Variants in RCBTB2 observed in about 807,000 individuals in gnomAD.
The protein encoded by RCBTB2 is RCC1 and BTB domain-containing protein 2.
A neutral mutation model predicts 65.4 loss-of-function variants in RCBTB2; 55 were observed. The observed-to-expected ratio is 0.84, with a 90% CI of 0.68 to 1.05. The LOEUF (loss-of-function observed/expected upper bound fraction) is 1.05, where lower values mean the gene tolerates loss of function less well. RCBTB2 is among the 50% of genes least tolerant of loss of function. The pLI is 0.00. For synonymous variants in RCBTB2, 220 were observed against 255.2 expected (o/e 0.86, Z 1.31); for missense variants, 599 against 680.1 (o/e 0.88, Z 1.33).
At chr13:48,515,509 T>C (rs756086520) in intron 5 of RCBTB2, 77 bp downstream of exon 5, 25 of 1,409,132 alleles carry the variant, frequency 1.8e-5, no homozygotes, top group Non-Finnish European at 2.4e-5. Context: ...TTTTATTCCT[T>C]AGTTCCCCCA....
upstream of RCBTB2, chr13:48,533,283 C>A: frequency 3.2e-6 from 1 of 310,596 alleles, no homozygotes; most frequent in South Asian, 2.3e-5. Flanking sequence ...ACGCCCCCTC[C>A]CCTCGGAGTT....
At chr13:48,519,472 G>C (rs985100250) in intron 4 of RCBTB2, among the ~76,000 whole-genome samples, 2 of 152,114 alleles carry the variant, frequency 1.3e-5, no homozygotes, top group African/African-American at 4.8e-5. Context: ...TTAGTTCTAG[G>C]CTTTCTTCCT....
At chr13:48,521,844 G>T in intron 4 of RCBTB2, 54 bp downstream of exon 4, 1 of 1,522,498 alleles carries the variant, frequency 6.6e-7, no homozygotes. Flanking sequence ...GCTTCATGAA[G>T]TATGTTTCAT....
At chr13:48,521,639 C>A (rs1349751641) in intron 4 of RCBTB2, among the ~76,000 whole-genome samples, 2 of 151,822 alleles carry the variant, frequency 1.3e-5, no homozygotes, top group Admixed American at 1.3e-4. Flanking sequence ...CAGGGGATGG[C>A]CTTTGCGCCT....
In RCBTB2 at chr13:48,527,371, T is replaced by TATATATATATATC. The variant is rs1566337752; in HGVS notation, c.-218-2615_-218-2614insGATATATATATAT. Reference sequence around the variant, plus strand: ...ATATATGATATATATTTATATATGATATATATATATGATATATATTTATAT... The same window carrying TATATATATATATC: ...ATATATGATATATATTTATATATGATATATATATATATCATATATATATGATATATATTTATAT... On this transcript the variant is annotated intron_variant, in intron 1 of 14. Transcript: ENST00000344532. Among the ~76,000 whole-genome samples the TATATATATATATC allele has an allele frequency of 9.4e-5, 13 of 138,736 alleles. No homozygotes were observed. The East Asian group carries it at 2.6e-3, about 27-fold the overall frequency. The allele number at this position is 138,736 out of a possible 152,430, so 91.0% of individuals were successfully genotyped here.
At chr13:48,504,195 G>A (rs1016506725) in intron 10 of RCBTB2, 12 of 985,390 alleles carry the variant, frequency 1.2e-5, no homozygotes, top group Non-Finnish European at 1.4e-5. Flanking sequence ...GGTCTCCCTT[G>A]CCTTAGACTC....
chr13:48,493,485 C>T (rs946206125), intron 14 of RCBTB2, among the ~76,000 whole-genome samples: 4 of 151,974 alleles, frequency 2.6e-5, no homozygotes, highest in Admixed American at 2.6e-4. Context: ...CACCTTGGAA[C>T]TCTGATTCCT....
chr13:48,532,356 G>C (rs1952183103), intron 1 of RCBTB2: 1 of 152,302 alleles, frequency 6.6e-6, no homozygotes. Context: ...AACTTTTCGC[G>C]CTATTCCTGG....
intron 1 of RCBTB2, among the ~76,000 whole-genome samples, chr13:48,527,549 C>G (rs1221791786): frequency 4.6e-5 from 7 of 151,874 alleles, no homozygotes; most frequent in African/African-American, 1.5e-4. Flanking sequence ...CCTCTCCACG[C>G]AGAAGTTCCT....
intron 5 of RCBTB2, 91 bp downstream of exon 5, chr13:48,515,495 A>C: frequency 7.3e-7 from 1 of 1,364,958 alleles, no homozygotes; most frequent in South Asian, 1.4e-5. Context: ...TTTTTTTTTT[A>C]ACCTTTTATT....
chr13:48,491,416 A>G (rs1301040068), intron 14 of RCBTB2, among the ~76,000 whole-genome samples: 2 of 152,204 alleles, frequency 1.3e-5, no homozygotes, highest in Admixed American at 1.3e-4. Flanking sequence ...GTCCCAGGTA[A>G]GCCCTCAGTG....
At chr13:48,504,930 G>A (rs1427412280) in intron 10 of RCBTB2, among the ~76,000 whole-genome samples, 2 of 152,272 alleles carry the variant, frequency 1.3e-5, no homozygotes, top group South Asian at 2.1e-4. Context: ...GACTTATTAT[G>A]AGGATCGTTC....
chr13:48,517,285 C>T (rs1328686250), intron 4 of RCBTB2, among the ~76,000 whole-genome samples: 1 of 152,182 alleles, frequency 6.6e-6, no homozygotes, highest in African/African-American at 2.4e-5. Context: ...CAATGCAATA[C>T]CTACCTTTGT....
chr13:48,534,382 C>A (rs899129691), upstream of RCBTB2, among the ~76,000 whole-genome samples: 1 of 152,042 alleles, frequency 6.6e-6, no homozygotes, highest in South Asian at 2.1e-4. Context: ...TTGGAGCTCA[C>A]AATAATCCTG....
intron 10 of RCBTB2, among the ~76,000 whole-genome samples, chr13:48,505,413 A>G (rs1950451504): frequency 6.6e-6 from 1 of 152,174 alleles, no homozygotes; most frequent in African/African-American, 2.4e-5. Flanking sequence ...CTTTCCTGAT[A>G]TTTGCAGGGT....
rs139171322 is a variant in RCBTB2, at chr13:48,512,827, A to C, written c.418T>G (p.Leu140Val). The C allele has an allele frequency of 6.2e-7, 1 of 1,613,994 alleles. No individual in the cohort carries two copies. Among genetic ancestry groups the C allele is most frequent in the Non-Finnish European group, 8.5e-7 (1 of 1,179,876 alleles). The stretch of plus-strand genomic sequence containing the variant: ...TTAGTAGAGATATGACAGGGCACTA[A>C]ACCATGATTAGTTGTCCCATTGCCC... ...QLGNGTTNHG[L>V]VPCHISTNLS... The change falls in exon 7 of 15, where the codon TTA becomes GTA. Residue 140 changes from leucine to valine, a missense_variant. By Grantham distance (32) the Leu-to-Val change is conservative. Transcript: ENST00000344532.
chr13:48,501,355 G>A (rs1460017506), intron 12 of RCBTB2, among the ~76,000 whole-genome samples: 1 of 152,132 alleles, frequency 6.6e-6, no homozygotes, highest in Admixed American at 6.5e-5. Flanking sequence ...CCATCTAAAA[G>A]TACGCCACAA....
Position 48,527,361 on chromosome 13 carries a change from T to TATGATATATA in RCBTB2, c.-218-2605_-218-2604insTATATATCAT. ...TGATATATATATATATGATATATAT[T>TATGATATATA]TATATATGATATATATATATGATAT... On this transcript the variant is annotated intron_variant, in intron 1 of 14. Coordinates refer to ENST00000344532, the MANE Select transcript of RCBTB2 (RefSeq NM_001268.4). Among the ~76,000 whole-genome samples, 29 of 112,426 alleles carry TATGATATATA rather than the reference T, an allele frequency of 2.6e-4. No individual in the cohort carries two copies. In the East Asian group the frequency reaches 3.0e-3, roughly 12 times the overall value. The allele number at this position is 112,426 out of a possible 152,430, so 73.8% of individuals were successfully genotyped here.
Position 48,503,663 on chromosome 13 carries a change from C to A in RCBTB2, c.927-749G>T, listed in dbSNP as rs9332042. 8.2e-3 allele frequency among the ~76,000 whole-genome samples: 1,241 copies of A among 152,254 alleles called. 14 individuals are homozygous for A. Among genetic ancestry groups the A allele is most frequent in the African/African-American group, 0.029 (1,184 of 41,528 alleles). ...TCCCAGGCTCAAGCGATCCTCCTAC[C>A]TCAGCCTCTGTAGTAGCTGGGACTA... On this transcript the variant is annotated intron_variant, in intron 10 of 14. Coordinates refer to ENST00000344532, the MANE Select transcript of RCBTB2 (RefSeq NM_001268.4).
Sources: gnomAD v4.1 joint callset for allele counts (sites outside exome capture counted in the v4.1 genomes callset) on GRCh38, gnomAD v4.1.1 for gene constraint, MANE v1.5 for transcripts, NCBI Gene and HGNC (gene_info 2026-07-23, HGNC 2026-07-21) for gene names.